The following TENM2 variants were observed in gnomAD, a reference collection of about 807,000 sequenced individuals.
TENM2 encodes the protein teneurin-2.
TENM2 carries 52 observed loss-of-function variants against 245.2 expected under a neutral mutation model. The ratio of observed to expected loss-of-function variants is 0.21; its 90% CI spans 0.17 to 0.27. TENM2 has a LOEUF of 0.27. Ranked by LOEUF, TENM2 falls within the 10% of genes least tolerant of loss-of-function variation. TENM2 has a pLI of 1.00. For synonymous variants in TENM2, 1,363 were observed against 1,438.9 expected (o/e 0.95, Z 1.19); for missense variants, 3,046 against 3,666.8 (o/e 0.83, Z 4.37).
chr5:167,609,318 A>G (rs1777281370), intron 2 of TENM2, among the ~76,000 whole-genome samples: 1 of 151,970 alleles, frequency 6.6e-6, no homozygotes, highest in Admixed American at 6.6e-5. Context: ...CACAATATCA[A>G]TTGTACTTGG....
chr5:168,243,881 T>C (rs1165423229), intron 25 of TENM2, among the ~76,000 whole-genome samples: 1 of 152,184 alleles, frequency 6.6e-6, no homozygotes, highest in Non-Finnish European at 1.5e-5. Context: ...AGCTGCCTTA[T>C]TTTTATATTC....
chr5:168,129,272 T>TG (rs1323203919), intron 12 of TENM2: 1 of 152,112 alleles, frequency 6.6e-6, no homozygotes, highest in Non-Finnish European at 1.5e-5. Flanking sequence ...TGAGATAAGT[T>TG]GGAAAAAAAG....
intron 2 of TENM2, among the ~76,000 whole-genome samples, chr5:167,441,311 A>G (rs912973988): frequency 6.6e-6 from 1 of 152,218 alleles, no homozygotes; most frequent in Non-Finnish European, 1.5e-5. Flanking sequence ...ATTCCAAGGA[A>G]ATTTAGCATT....
chr5:167,000,896 T>G, the TENM2 span, among the ~76,000 whole-genome samples: 1 of 152,138 alleles, frequency 6.6e-6, no homozygotes, highest in Admixed American at 6.6e-5. Context: ...TGGACCTTCT[T>G]GAGGAAGAGT....
intron 4 of TENM2, among the ~76,000 whole-genome samples, chr5:167,970,274 A>G (rs943363318): frequency 9.2e-5 from 14 of 152,202 alleles, no homozygotes; most frequent in Non-Finnish European, 1.5e-4. Context: ...CCACGACTTT[A>G]CTTTTGAGTT....
intron 3 of TENM2, among the ~76,000 whole-genome samples, chr5:167,940,387 T>G (rs1779079571): frequency 6.6e-6 from 1 of 152,192 alleles, no homozygotes; most frequent in African/African-American, 2.4e-5. Context: ...ACTTACTTCC[T>G]GGTGCAGAAA....
the TENM2 span, among the ~76,000 whole-genome samples, chr5:167,129,184 TG>T: frequency 6.6e-6 from 1 of 152,296 alleles, no homozygotes; most frequent in East Asian, 1.9e-4. Context: ...AGGAAGTGGC[TG>T]GAACTTAGGA....
the TENM2 span, among the ~76,000 whole-genome samples, chr5:167,140,113 A>C: frequency 6.6e-6 from 1 of 152,190 alleles, no homozygotes; most frequent in Admixed American, 6.5e-5. Flanking sequence ...TGAGTTTGGC[A>C]TTTGACACAC....
At chr5:167,804,621 AT>A (rs1166098030) in intron 2 of TENM2, among the ~76,000 whole-genome samples, 1 of 152,082 alleles carries the variant, frequency 6.6e-6, no homozygotes, top group Non-Finnish European at 1.5e-5. Flanking sequence ...GCTCAGATAG[AT>A]CGAATAAAGT....
At chr5:167,575,605 T>C (rs997668221) in intron 2 of TENM2, among the ~76,000 whole-genome samples, 1 of 152,110 alleles carries the variant, frequency 6.6e-6, no homozygotes, top group Middle Eastern at 3.2e-3. Flanking sequence ...AGAGACCAAA[T>C]GGACTGTGGG....
chr5:167,024,033 A>ATT, the TENM2 span, among the ~76,000 whole-genome samples: 1 of 152,210 alleles, frequency 6.6e-6, no homozygotes, highest in Non-Finnish European at 1.5e-5. Flanking sequence ...AAAAATTCAT[A>ATT]AGTCTGGCAT....
At chr5:167,884,603 TG>T (rs1774137883) in intron 3 of TENM2, among the ~76,000 whole-genome samples, 1 of 152,192 alleles carries the variant, frequency 6.6e-6, no homozygotes, top group South Asian at 2.1e-4. Flanking sequence ...CTTTTAAAGC[TG>T]AAAACTATTC....
intron 13 of TENM2, among the ~76,000 whole-genome samples, chr5:168,178,933 A>G (rs34962507): frequency 0.068 from 10,391 of 152,180 alleles, 455 homozygotes; most frequent in Middle Eastern, 0.14. Flanking sequence ...TCAGGAGTTC[A>G]AGACCAGGCT....
intron 1 of TENM2, among the ~76,000 whole-genome samples, chr5:167,353,118 A>T (rs1759033496): frequency 6.6e-6 from 1 of 152,220 alleles, no homozygotes; most frequent in African/African-American, 2.4e-5. Flanking sequence ...GCTTGCCCGA[A>T]ACCATACTCA....
chr5:167,587,998 CT>C (rs1775618077), intron 2 of TENM2, among the ~76,000 whole-genome samples: 1 of 152,116 alleles, frequency 6.6e-6, no homozygotes, highest in Non-Finnish European at 1.5e-5. Flanking sequence ...GAATCACATG[CT>C]GAGATCCAAA....
chr5:167,327,526 A>G (rs950454510), intron 1 of TENM2, among the ~76,000 whole-genome samples: 1 of 152,204 alleles, frequency 6.6e-6, no homozygotes, highest in Non-Finnish European at 1.5e-5. Context: ...ACACCCAGTA[A>G]ATACCAGTTG....
chr5:167,029,075 T>G, the TENM2 span, among the ~76,000 whole-genome samples: 4 of 152,228 alleles, frequency 2.6e-5, no homozygotes, highest in Non-Finnish European at 4.4e-5. Flanking sequence ...GCAGTCTAAT[T>G]TGATCAGTTA....
chr5:167,074,786 G>T, the TENM2 span, among the ~76,000 whole-genome samples: 3 of 152,134 alleles, frequency 2.0e-5, no homozygotes, highest in African/African-American at 7.2e-5. Flanking sequence ...GTTCTGTTAG[G>T]ATTGTATTGT....
At chr5:167,258,723 A>G in the TENM2 span, among the ~76,000 whole-genome samples, 1 of 152,286 alleles carries the variant, frequency 6.6e-6, no homozygotes, top group South Asian at 2.1e-4. Context: ...TTATTTATAC[A>G]TAATTTAACA....
Sources: gnomAD v4.1 joint callset for allele counts (sites outside exome capture counted in the v4.1 genomes callset) on GRCh38, gnomAD v4.1.1 for gene constraint, MANE v1.5 for transcripts, NCBI Gene and HGNC (gene_info 2026-07-23, HGNC 2026-07-21) for gene names.